The following ROBO1 variants were observed in gnomAD, a reference collection of about 807,000 sequenced individuals.
The protein encoded by ROBO1 is roundabout guidance receptor 1.
A neutral mutation model predicts 195.9 loss-of-function variants in ROBO1; 149 were observed. The observed-to-expected ratio is 0.76, with a 90% CI of 0.67 to 0.87. The LOEUF is 0.87. Ranked by LOEUF, ROBO1 falls within the 40% of genes least tolerant of loss-of-function variation. ROBO1 has a pLI of 0.00. For missense variants in ROBO1, 1,933 were observed against 2,068.3 expected, an observed-to-expected ratio of 0.93 and a Z score of 1.27; for synonymous variants, 816 against 733.2, an observed-to-expected ratio of 1.11 and a Z score of -1.82.
intron 1 of ROBO1, among the ~76,000 whole-genome samples, chr3:79,694,052 C>T (rs545444755): frequency 4.6e-5 from 7 of 151,706 alleles, no homozygotes; most frequent in African/African-American, 1.7e-4. Context: ...ATACTGGATT[C>T]TGAAATAAGT....
At chr3:78,947,786 AAAG>A (rs2040534603) in intron 3 of ROBO1, among the ~76,000 whole-genome samples, 2 of 152,136 alleles carry the variant, frequency 1.3e-5, no homozygotes, top group South Asian at 4.1e-4. Flanking sequence ...CAAGACTAAT[AAAG>A]AAGAAAAGAG....
chr3:79,354,818 A>G (rs1027544686), intron 2 of ROBO1, among the ~76,000 whole-genome samples: 1 of 152,184 alleles, frequency 6.6e-6, no homozygotes, highest in Admixed American at 6.5e-5. Context: ...AAAAAATAAT[A>G]ACACGTCAAG....
chr3:79,477,777 G>C (rs1452711469), intron 2 of ROBO1, among the ~76,000 whole-genome samples: 1 of 152,008 alleles, frequency 6.6e-6, no homozygotes, highest in African/African-American at 2.4e-5. Flanking sequence ...TAAAAATCAA[G>C]TTTAGGTACA....
intron 2 of ROBO1, among the ~76,000 whole-genome samples, chr3:79,389,031 T>C (rs1006342732): frequency 1.3e-5 from 2 of 152,056 alleles, no homozygotes; most frequent in Non-Finnish European, 2.9e-5. Context: ...ACTAGCTAAA[T>C]TAATAATAAA....
chr3:79,706,508 G>A (rs528827415), intron 1 of ROBO1, among the ~76,000 whole-genome samples: 79 of 152,132 alleles, frequency 5.2e-4, no homozygotes, highest in African/African-American at 1.8e-3. Context: ...TTTTGTAATA[G>A]ATATGGTTTG....
chr3:79,631,696 A>G (rs989477854), intron 1 of ROBO1, among the ~76,000 whole-genome samples: 4 of 152,056 alleles, frequency 2.6e-5, no homozygotes, highest in African/African-American at 9.7e-5. Context: ...GAGTAAGGAG[A>G]GAACTTACAA....
chr3:79,754,723 G>C (rs1438160549), intron 1 of ROBO1, among the ~76,000 whole-genome samples: 1 of 152,112 alleles, frequency 6.6e-6, no homozygotes, highest in East Asian at 1.9e-4. Context: ...ATCTTTCTTT[G>C]CTGCTCTGGA....
intron 1 of ROBO1, among the ~76,000 whole-genome samples, chr3:79,650,614 CTTA>C (rs1945976456): frequency 6.6e-6 from 1 of 151,334 alleles, no homozygotes; most frequent in African/African-American, 2.4e-5. Flanking sequence ...AAAAAAAACC[CTTA>C]ATTATGCAAT....
At chr3:78,827,709 A>C (rs2031754972) in intron 4 of ROBO1, among the ~76,000 whole-genome samples, 1 of 152,174 alleles carries the variant, frequency 6.6e-6, no homozygotes. Context: ...AGACGCAGAG[A>C]AGAGCTAATG....
At chr3:79,730,586 G>A (rs1703101714) in intron 1 of ROBO1, among the ~76,000 whole-genome samples, 1 of 151,992 alleles carries the variant, frequency 6.6e-6, no homozygotes, top group African/African-American at 2.4e-5. Context: ...CAGCTAATAG[G>A]TAAGTATATT....
At position 78,916,256 on chromosome 3, in the gene ROBO1, A is replaced by AAC. The variant is rs1192370086; in HGVS notation, c.499+22344_499+22345insGT. Among the ~76,000 whole-genome samples, 7 of 149,504 alleles carry AAC rather than the reference A, an allele frequency of 4.7e-5. 1 individual carries two copies. Among genetic ancestry groups the AAC allele is most frequent in the African/African-American group, 1.7e-4 (7 of 40,466 alleles). ...CAGCGAGACTCCGTCAAAAAAAAAA[A>AAC]AAAAAACAACTTTATTCTTTTTCTA... On this transcript the variant is annotated intron_variant, in intron 4 of 30. Transcript: ENST00000464233.
chr3:79,585,943 C>T lies in ROBO1; in HGVS notation c.88+3881G>A, dbSNP rs182737916. Among the ~76,000 whole-genome samples, 78 of 150,204 alleles carry T rather than the reference C, an allele frequency of 5.2e-4. No homozygotes were observed. The East Asian group carries it at 0.014, about 27-fold the overall frequency. Reference sequence around the variant, plus strand: ...TATATTTTCCTAATATATGATTCTTCGCCATAGAAACTAATCACAAATATT... The same window carrying T: ...TATATTTTCCTAATATATGATTCTTTGCCATAGAAACTAATCACAAATATT... On this transcript the variant is annotated intron_variant, in intron 2 of 30. Transcript: ENST00000464233.
chr3:79,069,723 T>C (rs1452248452), intron 3 of ROBO1, among the ~76,000 whole-genome samples: 2 of 151,910 alleles, frequency 1.3e-5, no homozygotes, highest in African/African-American at 4.8e-5. Flanking sequence ...AACTTAGTAG[T>C]TAATTTGGCT....
intron 2 of ROBO1, among the ~76,000 whole-genome samples, chr3:79,259,247 G>A (rs1470604418): frequency 1.3e-5 from 2 of 151,942 alleles, no homozygotes; most frequent in African/African-American, 4.8e-5. Flanking sequence ...CGAGCTCAAG[G>A]GATCCTCCCA....
chr3:79,234,678 A>C (rs2082377465), intron 2 of ROBO1, among the ~76,000 whole-genome samples: 1 of 152,118 alleles, frequency 6.6e-6, no homozygotes, highest in Admixed American at 6.5e-5. Context: ...CAGCAACATG[A>C]ATGCAGCTGA....
chr3:79,750,625 A>T (rs1299712889), intron 1 of ROBO1, among the ~76,000 whole-genome samples: 1 of 152,146 alleles, frequency 6.6e-6, no homozygotes, highest in Non-Finnish European at 1.5e-5. Flanking sequence ...GAATCTCCTG[A>T]GATCTGATGG....
intron 10 of ROBO1, among the ~76,000 whole-genome samples, chr3:78,682,510 T>C (rs1030785248): frequency 4.7e-5 from 7 of 148,088 alleles, no homozygotes; most frequent in Non-Finnish European, 8.9e-5. Context: ...TATGTATATA[T>C]GACTGTGTAT....
intron 3 of ROBO1, among the ~76,000 whole-genome samples, chr3:79,039,009 C>T (rs1302035049): frequency 2.0e-5 from 3 of 152,148 alleles, no homozygotes; most frequent in African/African-American, 7.2e-5. Flanking sequence ...GATAGAAAGC[C>T]AGCCTGACAG....
intron 2 of ROBO1, among the ~76,000 whole-genome samples, chr3:79,501,631 T>G (rs866039746): frequency 6.6e-6 from 1 of 152,248 alleles, no homozygotes; most frequent in Non-Finnish European, 1.5e-5. Flanking sequence ...GAAAAAACTT[T>G]GTCATGCATC....
Sources: allele counts gnomAD v4.1 joint callset (sites outside exome capture counted in the v4.1 genomes callset), GRCh38; gene constraint gnomAD v4.1.1; transcripts MANE v1.5; gene names NCBI Gene and HGNC (gene_info 2026-07-23, HGNC 2026-07-21).